ADAM19: variants seen among roughly 807,000 people sequenced by gnomAD.
The protein encoded by ADAM19 is disintegrin and metalloproteinase domain-containing protein 19.
A neutral mutation model predicts 114.7 loss-of-function variants in ADAM19; 65 were observed. The ratio of observed to expected loss-of-function variants is 0.57; its 90% CI spans 0.46 to 0.70. The LOEUF is 0.70. Among genes scored for constraint, ADAM19 ranks in the 30% least tolerant of loss-of-function variants. ADAM19 has a pLI of 0.00. For synonymous variants in ADAM19, 466 were observed against 460.5 expected, an observed-to-expected ratio of 1.01 and a Z score of -0.15; for missense variants, 1,063 against 1,204.7, an observed-to-expected ratio of 0.88 and a Z score of 1.74.
In ADAM19 at chr5:157,570,881, C is replaced by A. The variant is rs1757801293; in HGVS notation, c.180+14G>T. The A allele has an allele frequency of 1.9e-6, 3 of 1,612,724 alleles. No homozygotes were observed. The highest frequency in any genetic ancestry group is 1.1e-5 in the South Asian group (1 of 90,986). On this transcript the variant is annotated intron_variant, in intron 2 of 22. Transcript: ENST00000257527. Reference sequence around the variant, plus strand: ...CAACTCCTGCCAGTGTAAATGAGGTCTTTTGAGTCTTACCTTTTCTCTCAC... The same window carrying A: ...CAACTCCTGCCAGTGTAAATGAGGTATTTTGAGTCTTACCTTTTCTCTCAC...
chr5:157,484,479 C>T (rs553618898), intron 21 of ADAM19, among the ~76,000 whole-genome samples: 1 of 152,300 alleles, frequency 6.6e-6, no homozygotes, highest in African/African-American at 2.4e-5. Context: ...GGGAAGCCAA[C>T]TGCATAGAAG....
At chr5:157,505,889 A>C (rs1755727809) in intron 10 of ADAM19, 81 bp from the exon 11 acceptor site, 6 of 1,491,146 alleles carry the variant, frequency 4.0e-6, no homozygotes, top group Middle Eastern at 1.8e-4. Context: ...TCCTTAGCCA[A>C]GTCTTGCAGG....
intron 13 of ADAM19, among the ~76,000 whole-genome samples, chr5:157,499,146 A>G (rs1755467208): frequency 6.6e-6 from 1 of 152,148 alleles, no homozygotes; most frequent in Non-Finnish European, 1.5e-5. Context: ...TAAAATAAGG[A>G]TAGTCACATA....
At chr5:157,560,040 C>T (rs541981669) in intron 3 of ADAM19, among the ~76,000 whole-genome samples, 61 of 151,778 alleles carry the variant, frequency 4.0e-4, no homozygotes, top group Non-Finnish European at 7.8e-4. Context: ...CCGAGGCGGG[C>T]GGATCACGAG....
rs761577034 is a variant in ADAM19, at chr5:157,530,802, C to T, written c.407+5G>A. The stretch of plus-strand genomic sequence containing the variant: ...GGTGCCACCTGCAGCCTCAGGGTCT[C>T]TTACCTAATTCCTCGGCAAGTGCTG... On this transcript the variant is annotated splice_donor_5th_base_variant and intron_variant, in intron 5 of 22. Coordinates refer to ENST00000257527, the MANE Select transcript of ADAM19 (RefSeq NM_033274.5). 1.2e-6 allele frequency: 2 copies of T among 1,613,918 alleles called. No individual in the cohort carries two copies. Among genetic ancestry groups the T allele is most frequent in the South Asian group, 1.1e-5 (1 of 91,070 alleles).
chr5:157,509,715 T>A (rs1755856742), intron 8 of ADAM19, among the ~76,000 whole-genome samples: 1 of 152,078 alleles, frequency 6.6e-6, no homozygotes, highest in African/African-American at 2.4e-5. Flanking sequence ...AAAGGGAAAA[T>A]GAGATCCTGA....
intron 18 of ADAM19, 141 bp downstream of exon 18, chr5:157,491,474 T>A (rs1182864630): frequency 5.0e-6 from 3 of 602,200 alleles, no homozygotes; most frequent in Non-Finnish European, 8.2e-6. Context: ...TCTCTCTTGG[T>A]CTGTCTTTAT....
At chr5:157,516,524 G>T (rs970399121) in intron 7 of ADAM19, among the ~76,000 whole-genome samples, 2 of 152,174 alleles carry the variant, frequency 1.3e-5, no homozygotes, top group Non-Finnish European at 2.9e-5. Context: ...CACCCAGTGG[G>T]TTTGAAAGCC....
intron 21 of ADAM19, among the ~76,000 whole-genome samples, chr5:157,483,711 G>A (rs1010206418): frequency 1.3e-5 from 2 of 150,346 alleles, no homozygotes; most frequent in Admixed American, 1.3e-4. Flanking sequence ...TCGGCTTACT[G>A]CAACCTCTGC....
In ADAM19 at chr5:157,575,048, A is replaced by G. The variant is rs11465232; in HGVS notation, c.94+555T>C. Among the ~76,000 whole-genome samples, 473 of 152,264 alleles carry G rather than the reference A, an allele frequency of 3.1e-3. 4 individuals are homozygous for G. Among genetic ancestry groups the G allele is most frequent in the African/African-American group, 0.011 (440 of 41,536 alleles). On this transcript the variant is annotated intron_variant, in intron 1 of 22. Coordinates refer to ENST00000257527, the MANE Select transcript of ADAM19 (RefSeq NM_033274.5). ...GGCTCCTGCCAGCTCGGGGATCCGA[A>G]GTGTGTGGCTGCAGATACCCAGCGA...
chr5:157,515,896 C>T (rs1347437173), intron 7 of ADAM19, among the ~76,000 whole-genome samples: 3 of 152,138 alleles, frequency 2.0e-5, no homozygotes, highest in Non-Finnish European at 4.4e-5. Context: ...CTAGAAGCTC[C>T]CACCTAGGCC....
At position 157,478,874 on chromosome 5, in the gene ADAM19, G is replaced by C. The variant is rs1019492360; in HGVS notation, c.*2075C>G. The C allele has an allele frequency of 2.7e-5, 27 of 985,680 alleles. 1 individual carries two copies. The highest frequency in any genetic ancestry group is 1.0e-3 in the Middle Eastern group (2 of 1,936). The allele number at this position is 985,680 out of a possible 1,614,324, so 61.1% of individuals were successfully genotyped here. A position where few individuals can be genotyped will look rare whatever the true frequency, so the allele number is the denominator to read the frequency against. ...TGGCTCATGCAGTCACTATGGCTGTGGCGCTGTCATTTCAGAGCTATCTAC... is the reference window on the plus strand; with the variant it reads ...TGGCTCATGCAGTCACTATGGCTGTCGCGCTGTCATTTCAGAGCTATCTAC... On this transcript the variant is annotated 3_prime_UTR_variant, in exon 23 of 23. Transcript: ENST00000257527.
chr5:157,557,646 G>A (rs1175106862), intron 3 of ADAM19, among the ~76,000 whole-genome samples: 1 of 152,206 alleles, frequency 6.6e-6, no homozygotes, highest in African/African-American at 2.4e-5. Context: ...TAGAGTCTGA[G>A]AAGTCCAAGA....
At chr5:157,501,894 CA>C (rs74513880) in intron 12 of ADAM19, among the ~76,000 whole-genome samples, 264 of 141,424 alleles carry the variant, frequency 1.9e-3, no homozygotes, top group African/African-American at 3.5e-3. Context: ...GCTAAAAGTA[CA>C]AAAAAAAAAA....
At chr5:157,544,952 G>A (rs1349166067) in intron 3 of ADAM19, among the ~76,000 whole-genome samples, 1 of 152,178 alleles carries the variant, frequency 6.6e-6, no homozygotes, top group East Asian at 1.9e-4. Flanking sequence ...GGGAAATGAA[G>A]AGAAGGACCC....
At chr5:157,562,112 C>T (rs17054724) in intron 3 of ADAM19, among the ~76,000 whole-genome samples, 13,786 of 152,178 alleles carry the variant, frequency 0.091, 708 homozygotes, top group East Asian at 0.18. Context: ...CTCGCACGCA[C>T]CATGAATGAG....
At chr5:157,540,463 G>A (rs1452329021) in intron 3 of ADAM19, among the ~76,000 whole-genome samples, 1 of 152,074 alleles carries the variant, frequency 6.6e-6, no homozygotes, top group Non-Finnish European at 1.5e-5. Flanking sequence ...CTTAGCAAGG[G>A]GGGAGAAATC....
At chr5:157,552,453 C>G (rs1757226736) in intron 3 of ADAM19, among the ~76,000 whole-genome samples, 1 of 151,730 alleles carries the variant, frequency 6.6e-6, no homozygotes, top group African/African-American at 2.4e-5. Context: ...GGAGTTCAAG[C>G]CCAGCCTGGG....
intron 3 of ADAM19, among the ~76,000 whole-genome samples, chr5:157,556,073 G>T (rs935053001): frequency 6.6e-6 from 1 of 152,056 alleles, no homozygotes; most frequent in Non-Finnish European, 1.5e-5. Flanking sequence ...ACGGAGTCTC[G>T]CTCTGTCGCT....
Sources: gnomAD v4.1 joint callset for allele counts (sites outside exome capture counted in the v4.1 genomes callset) on GRCh38, gnomAD v4.1.1 for gene constraint, MANE v1.5 for transcripts, NCBI Gene and HGNC (gene_info 2026-07-23, HGNC 2026-07-21) for gene names.